CARMIL1: variants seen among roughly 807,000 people sequenced by gnomAD.
The protein encoded by CARMIL1 is F-actin-uncapping protein LRRC16A.
Under a neutral mutation model 177.1 loss-of-function variants are expected in CARMIL1, and 90 were observed. The observed-to-expected ratio is 0.51, with a 90% CI of 0.43 to 0.61. CARMIL1 has a LOEUF of 0.61. CARMIL1 is among the 20% of genes least tolerant of loss of function. CARMIL1 has a pLI of 0.00. For synonymous variants in CARMIL1, 577 were observed against 606.2 expected (o/e 0.95, Z 0.71); for missense variants, 1,380 against 1,667.0 (o/e 0.83, Z 3.00).
intron 5 of CARMIL1, among the ~76,000 whole-genome samples, chr6:25,438,309 A>AGTGCTAAGT (rs1797407221): frequency 6.6e-6 from 1 of 152,224 alleles, no homozygotes; most frequent in Admixed American, 6.5e-5. Context: ...TGCTAGGCAT[A>AGTGCTAAGT]GTGCTAAGTG....
intron 5 of CARMIL1, among the ~76,000 whole-genome samples, chr6:25,447,929 C>A (rs1798395053): frequency 6.6e-6 from 1 of 152,074 alleles, no homozygotes; most frequent in African/African-American, 2.4e-5. Flanking sequence ...TCTGTCCACA[C>A]TGTTTTTCTG....
intron 8 of CARMIL1, among the ~76,000 whole-genome samples, chr6:25,462,986 G>A (rs1320934948): frequency 6.6e-6 from 1 of 151,972 alleles, no homozygotes; most frequent in African/African-American, 2.4e-5. Context: ...AAGAAGCCTA[G>A]GCATTAACAC....
At chr6:25,462,779 T>A (rs959031812) in intron 8 of CARMIL1, among the ~76,000 whole-genome samples, 1 of 152,234 alleles carries the variant, frequency 6.6e-6, no homozygotes. Context: ...TCAGCAAGTC[T>A]CTCGTCTTTC....
intron 26 of CARMIL1, among the ~76,000 whole-genome samples, chr6:25,546,669 C>CAAAAA (rs58285338): frequency 1.3e-4 from 15 of 115,470 alleles, no homozygotes; most frequent in African/African-American, 2.0e-4. Context: ...ACAACAACAA[C>CAAAAA]AAAAAAAAAA....
At chr6:25,557,559 C>T (rs1036469666) in intron 29 of CARMIL1, among the ~76,000 whole-genome samples, 2 of 152,106 alleles carry the variant, frequency 1.3e-5, no homozygotes, top group African/African-American at 4.8e-5. Flanking sequence ...ATATCATCCT[C>T]TGTATTCAAT....
chr6:25,474,722 A>G (rs879459587), intron 11 of CARMIL1, among the ~76,000 whole-genome samples: 3 of 152,246 alleles, frequency 2.0e-5, no homozygotes, highest in Non-Finnish European at 2.9e-5. Flanking sequence ...ATGTTTCTCT[A>G]TTAGATACTA....
chr6:25,281,131 C>T (rs866231949), intron 1 of CARMIL1, among the ~76,000 whole-genome samples: 3 of 106,198 alleles, frequency 2.8e-5, no homozygotes, highest in African/African-American at 4.5e-5. Flanking sequence ...CGCGTGTGCG[C>T]GCGCGCACAC....
At chr6:25,540,131 T>C (rs559352849) in intron 26 of CARMIL1, 53 bp downstream of exon 26, 2 of 1,489,504 alleles carry the variant, frequency 1.3e-6, no homozygotes, top group East Asian at 2.4e-5. Flanking sequence ...TAACTACGCA[T>C]GATAGCATTT....
intron 3 of CARMIL1, among the ~76,000 whole-genome samples, chr6:25,424,081 T>G (rs986774918): frequency 6.6e-6 from 1 of 152,098 alleles, no homozygotes; most frequent in Non-Finnish European, 1.5e-5. Context: ...TTTAGAGACT[T>G]CCCTCCCCAC....
At chr6:25,371,448 C>T (rs1790422138) in intron 2 of CARMIL1, among the ~76,000 whole-genome samples, 1 of 152,166 alleles carries the variant, frequency 6.6e-6, no homozygotes, top group South Asian at 2.1e-4. Flanking sequence ...TAGTAATGGC[C>T]ATTCTGGCTG....
chr6:25,475,201 C>G (rs11753635), intron 11 of CARMIL1, among the ~76,000 whole-genome samples: 1 of 151,662 alleles, frequency 6.6e-6, no homozygotes, highest in East Asian at 1.9e-4. Flanking sequence ...GTCAGGAGAT[C>G]GAGACCATCC....
chr6:25,604,198 C>T (rs558951164), intron 33 of CARMIL1, among the ~76,000 whole-genome samples: 2 of 152,286 alleles, frequency 1.3e-5, no homozygotes, highest in Admixed American at 1.3e-4. Flanking sequence ...CTGCCTCAGC[C>T]TCCTGAGTAG....
chr6:25,426,414 T>A (rs76873256), intron 3 of CARMIL1, 87 bp from the exon 4 acceptor site: 1 of 50,110 alleles, frequency 2.0e-5, no homozygotes, highest in African/African-American at 1.1e-4. Flanking sequence ...GTTGTAGGAT[T>A]TTTTTTTTTT....
At chr6:25,385,636 C>G (rs1792073734) in intron 2 of CARMIL1, among the ~76,000 whole-genome samples, 1 of 152,152 alleles carries the variant, frequency 6.6e-6, no homozygotes, top group Non-Finnish European at 1.5e-5. Context: ...ACAGTGTTCG[C>G]TTTGATCATG....
intron 2 of CARMIL1, among the ~76,000 whole-genome samples, chr6:25,338,550 ACT>A (rs1491332872): frequency 1.0e-5 from 1 of 98,630 alleles, no homozygotes; most frequent in East Asian, 2.9e-4. Context: ...AGCTGGTCCT[ACT>A]TTTTTTTTTT....
chr6:25,612,796 A>C, intron 36 of CARMIL1: 1 of 985,396 alleles, frequency 1.0e-6, no homozygotes. Context: ...CAAGCCTTCC[A>C]GTAGAGGGAA....
rs1196155878 is a variant in CARMIL1, at chr6:25,537,930, G to A, written c.2143G>A (p.Glu715Lys). Residue 715 changes from glutamate (E) to lysine (K), a missense_variant, in exon 25 of 37, where the codon GAA becomes AAA. By Grantham distance (56) the Glu-to-Lys change is moderately conservative. Coordinates refer to ENST00000329474, the MANE Select transcript of CARMIL1 (RefSeq NM_017640.6). ...LRNCGGDAIQ[E>K]DLKSAERLMR... is the part of the protein sequence containing the mutation. ...AAATTGTGGGGGAGACGCTATCCAG[G>A]AAGATTTAAAATCAGCAGAGCGGCT... 1 of 1,606,912 alleles carries A rather than the reference G, an allele frequency of 6.2e-7. No homozygotes were observed. Among genetic ancestry groups the A allele is most frequent in the Non-Finnish European group, 8.5e-7 (1 of 1,176,720 alleles).
At chr6:25,547,425 G>A (rs1291452279) in intron 26 of CARMIL1, among the ~76,000 whole-genome samples, 1 of 152,108 alleles carries the variant, frequency 6.6e-6, no homozygotes, top group East Asian at 1.9e-4. Flanking sequence ...GGATAATTAG[G>A]AAAATATGCA....
Position 25,619,511 on chromosome 6 carries a change from T to G in CARMIL1, c.4044T>G (p.Ser1348Arg). ...EYQEQKQRSSSKDGHQGSKSN... is the reference protein window; with the variant it reads ...EYQEQKQRSSRKDGHQGSKSN... ...AAGAACAAAAGCAACGGTCCTCCAG[T>G]AAAGATGGCCATCAAGGCAGCAAAT... The change falls in exon 37 of 37, where the codon AGT becomes AGG. Residue 1348 changes from serine (S) to arginine (R), a missense_variant. Coordinates refer to ENST00000329474, the MANE Select transcript of CARMIL1 (RefSeq NM_017640.6). 2 of 1,613,810 alleles carry G rather than the reference T, an allele frequency of 1.2e-6. No homozygotes were observed. Among genetic ancestry groups the G allele is most frequent in the East Asian group, 4.5e-5 (2 of 44,862 alleles).
Sources: gnomAD v4.1 joint callset for allele counts (sites outside exome capture counted in the v4.1 genomes callset) on GRCh38, gnomAD v4.1.1 for gene constraint, MANE v1.5 for transcripts, NCBI Gene and HGNC (gene_info 2026-07-23, HGNC 2026-07-21) for gene names.